The following PPP3CA variants were observed in gnomAD, a reference collection of about 807,000 sequenced individuals.
The protein encoded by PPP3CA is protein phosphatase 3 catalytic subunit alpha, also known as CAM-PRP catalytic subunit.
Under a neutral mutation model 66.5 loss-of-function variants are expected in PPP3CA, and 14 were observed. That is an observed-to-expected ratio of 0.21 (90% CI 0.14 to 0.33). The LOEUF (loss-of-function observed/expected upper bound fraction) is 0.33. PPP3CA is among the 10% of genes least tolerant of loss of function. The pLI, the probability that PPP3CA is intolerant of heterozygous loss-of-function variation, is 1.00. For synonymous variants in PPP3CA, 232 were observed against 226.2 expected (o/e 1.03, Z -0.23); for missense variants, 317 against 639.5 (o/e 0.50, Z 5.44).
chr4:101,296,520 T>A (rs1337303371), intron 1 of PPP3CA, among the ~76,000 whole-genome samples: 2 of 152,024 alleles, frequency 1.3e-5, no homozygotes, highest in Admixed American at 1.3e-4. Context: ...CCAGTTCATC[T>A]TTTTTGCTTT....
At chr4:101,061,195 G>C (rs753470919) in intron 9 of PPP3CA, 34 bp from the exon 10 acceptor site, 37 of 1,563,516 alleles carry the variant, frequency 2.4e-5, no homozygotes, top group Non-Finnish European at 3.0e-5. Flanking sequence ...AAAAGTCAGG[G>C]TTTTCTGTTA....
chr4:101,317,482 T>A (rs2110317786), intron 1 of PPP3CA, among the ~76,000 whole-genome samples: 1 of 152,286 alleles, frequency 6.6e-6, no homozygotes, highest in Non-Finnish European at 1.5e-5. Context: ...CTTTATCTGG[T>A]TGTATTCTAT....
chr4:101,116,411 G>C (rs1280385734), intron 2 of PPP3CA, among the ~76,000 whole-genome samples: 6 of 151,854 alleles, frequency 4.0e-5, no homozygotes, highest in Non-Finnish European at 7.4e-5. Flanking sequence ...TTGGTTTTTG[G>C]ATATTCTATT....
intron 1 of PPP3CA, among the ~76,000 whole-genome samples, chr4:101,230,246 A>G (rs17030955): frequency 0.012 from 1,774 of 151,744 alleles, 26 homozygotes; most frequent in African/African-American, 0.04. Context: ...AAATATCTCT[A>G]AAATTCTATC....
intron 2 of PPP3CA, among the ~76,000 whole-genome samples, chr4:101,136,693 T>C (rs561976157): frequency 2.0e-5 from 3 of 152,066 alleles, no homozygotes; most frequent in East Asian, 3.9e-4. Flanking sequence ...CATCAGCTTA[T>C]GGTAATCTTT....
intron 1 of PPP3CA, among the ~76,000 whole-genome samples, chr4:101,245,765 T>C (rs1389090201): frequency 6.6e-6 from 1 of 152,068 alleles, no homozygotes; most frequent in Non-Finnish European, 1.5e-5. Context: ...GTATGAGATA[T>C]TCTGCTTGTT....
chr4:101,183,551 A>G (rs1724309835), intron 2 of PPP3CA, among the ~76,000 whole-genome samples: 1 of 152,166 alleles, frequency 6.6e-6, no homozygotes, highest in Admixed American at 6.5e-5. Context: ...AATGTCCTCT[A>G]ATGAAAACTA....
intron 5 of PPP3CA, among the ~76,000 whole-genome samples, chr4:101,097,152 T>G (rs548794061): frequency 6.6e-6 from 1 of 152,136 alleles, no homozygotes; most frequent in African/African-American, 2.4e-5. Context: ...TATCATACAT[T>G]AGGCTTAAAT....
At chr4:101,238,185 A>G (rs541420804) in intron 1 of PPP3CA, among the ~76,000 whole-genome samples, 1 of 152,110 alleles carries the variant, frequency 6.6e-6, no homozygotes, top group Admixed American at 6.6e-5. Flanking sequence ...AAAGCATAAG[A>G]CAACAGTAAA....
At chr4:101,314,446 C>A (rs1728823316) in intron 1 of PPP3CA, among the ~76,000 whole-genome samples, 1 of 151,840 alleles carries the variant, frequency 6.6e-6, no homozygotes, top group African/African-American at 2.4e-5. Context: ...CACCTGTAGT[C>A]CCAGCTACTC....
At chr4:101,054,011 T>C (rs943862761) in intron 10 of PPP3CA, among the ~76,000 whole-genome samples, 10 of 152,096 alleles carry the variant, frequency 6.6e-5, no homozygotes, top group Non-Finnish European at 1.5e-4. Context: ...GTTTTTATTA[T>C]GTTATTCCTT....
chr4:101,058,840 G>C (rs1293381761), intron 10 of PPP3CA, among the ~76,000 whole-genome samples: 4 of 152,048 alleles, frequency 2.6e-5, no homozygotes, highest in Non-Finnish European at 5.9e-5. Flanking sequence ...ATGGTACCTG[G>C]TACTTAGTAG....
At chr4:101,041,226 T>C (rs779582535) in intron 10 of PPP3CA, among the ~76,000 whole-genome samples, 15 of 152,078 alleles carry the variant, frequency 9.9e-5, no homozygotes, top group Admixed American at 2.0e-4. Context: ...TTTTTGAAAG[T>C]TATGCATGGT....
intron 1 of PPP3CA, among the ~76,000 whole-genome samples, chr4:101,337,468 G>A (rs190401062): frequency 9.9e-5 from 15 of 152,280 alleles, no homozygotes; most frequent in Admixed American, 2.0e-4. Flanking sequence ...GGAAGGGCAC[G>A]TGGAACGAGA....
At chr4:101,290,763 T>C (rs560015337) in intron 1 of PPP3CA, among the ~76,000 whole-genome samples, 3 of 152,124 alleles carry the variant, frequency 2.0e-5, no homozygotes, top group Admixed American at 6.5e-5. Context: ...AGGTATGTGG[T>C]TGCAACTTAA....
chr4:101,286,606 G>A (rs1727854196), intron 1 of PPP3CA, among the ~76,000 whole-genome samples: 1 of 151,996 alleles, frequency 6.6e-6, no homozygotes. Context: ...ACACTTTAAG[G>A]GTCTCTATAA....
intron 1 of PPP3CA, among the ~76,000 whole-genome samples, chr4:101,250,021 G>T (rs539881426): frequency 2.0e-5 from 3 of 152,022 alleles, no homozygotes; most frequent in Admixed American, 6.5e-5. Flanking sequence ...CTTCTGAAAC[G>T]CTGTATAAGG....
At chr4:101,074,519 G>A (rs1452089370) in intron 8 of PPP3CA, among the ~76,000 whole-genome samples, 1 of 152,208 alleles carries the variant, frequency 6.6e-6, no homozygotes, top group Non-Finnish European at 1.5e-5. Flanking sequence ...ACCAAGTCAA[G>A]CTGGCATCGG....
intron 1 of PPP3CA, among the ~76,000 whole-genome samples, chr4:101,255,565 C>A (rs1445463478): frequency 6.6e-6 from 1 of 151,834 alleles, no homozygotes; most frequent in East Asian, 1.9e-4. Context: ...ATATTTATCA[C>A]ATTCTTAAAA....
Sources: gnomAD v4.1 joint callset for allele counts (sites outside exome capture counted in the v4.1 genomes callset) on GRCh38, gnomAD v4.1.1 for gene constraint, MANE v1.5 for transcripts, NCBI Gene and HGNC (gene_info 2026-07-23, HGNC 2026-07-21) for gene names.